The following DNAJA1 variants were observed in gnomAD, a reference collection of about 807,000 sequenced individuals.
The protein encoded by DNAJA1 is dnaJ homolog subfamily A member 1.
In DNAJA1, 26 loss-of-function variants were observed where a neutral mutation model predicts 47.6. That is an observed-to-expected ratio of 0.55 (90% CI 0.40 to 0.76). The LOEUF (loss-of-function observed/expected upper bound fraction) is 0.76. Ranked by LOEUF, DNAJA1 falls within the 30% of genes least tolerant of loss-of-function variation. The pLI is 0.00. For missense variants in DNAJA1, 315 were observed against 485.0 expected (o/e 0.65, Z 3.29); for synonymous variants, 165 against 158.4 (o/e 1.04, Z -0.31).
At chr9:33,031,081 T>C (rs1838953818) in intron 5 of DNAJA1, among the ~76,000 whole-genome samples, 1 of 152,190 alleles carries the variant, frequency 6.6e-6, no homozygotes, top group South Asian at 2.1e-4. Flanking sequence ...AGGTGAAGAA[T>C]TGGGTCTCAT....
In DNAJA1 at chr9:33,034,135, C is replaced by T. The variant is rs979797104; in HGVS notation, c.644-81C>T. 2.0e-5 allele frequency: 19 copies of T among 967,498 alleles called. No homozygotes were observed. In the Admixed American group the frequency reaches 5.4e-4, roughly 27 times the overall value. 59.9% of individuals were successfully genotyped at this position (967,498 alleles called of 1,614,324 possible). ...CATTTCTGTGATTTTTATGCATAAA[C>T]AAACATCTATGTATAGATTTTATGA... On this transcript the variant is annotated intron_variant, in intron 5 of 8. Coordinates refer to ENST00000330899, the MANE Select transcript of DNAJA1 (RefSeq NM_001539.4).
intron 5 of DNAJA1, among the ~76,000 whole-genome samples, chr9:33,030,991 C>T (rs112532435): frequency 7.2e-5 from 11 of 152,214 alleles, no homozygotes; most frequent in Admixed American, 6.5e-4. Flanking sequence ...TCTTTTAAAA[C>T]ATTAGAATTG....
rs559164455 is a variant in DNAJA1, at chr9:33,036,668, A to G, written c.853A>G (p.Ile285Val). The part of the protein sequence containing the change: ...KPISTLDNRT[I>V]VITSHPGQIV... ...AATATCTACTCTTGACAACCGAACC[A>G]TCGTCATCACCTCTCATCCAGGTAT... Residue 285 changes from isoleucine to valine, a missense_variant, in exon 7 of 9, where the codon ATC becomes GTC. Transcript: ENST00000330899. 5.6e-6 allele frequency: 9 copies of G among 1,613,646 alleles called. No individual in the cohort carries two copies. The highest frequency in any genetic ancestry group is 6.8e-6 in the Non-Finnish European group (8 of 1,179,732).
intron 5 of DNAJA1, among the ~76,000 whole-genome samples, chr9:33,031,450 G>C (rs989809292): frequency 1.3e-5 from 2 of 151,722 alleles, no homozygotes; most frequent in African/African-American, 4.8e-5. Context: ...GTTTTTTTCT[G>C]AGGTAGAGTC....
intron 6 of DNAJA1, among the ~76,000 whole-genome samples, chr9:33,034,991 A>G (rs574091665): frequency 2.1e-5 from 3 of 140,098 alleles, no homozygotes; most frequent in Non-Finnish European, 4.7e-5. Flanking sequence ...GTTCAAGGTT[A>G]TGATCATGCC....
intron 5 of DNAJA1, among the ~76,000 whole-genome samples, chr9:33,031,349 G>A (rs961631778): frequency 4.6e-5 from 7 of 152,016 alleles, no homozygotes; most frequent in African/African-American, 1.2e-4. Context: ...GACCTGCCTC[G>A]GCCTCCCAAA....
rs1022472750 is a variant in DNAJA1, at chr9:33,037,043, G to T, written c.903G>T (p.Lys301Asn). The change falls in exon 8 of 9, where the codon AAG becomes AAT. Residue 301 changes from lysine (K) to asparagine (N), a missense_variant. By Grantham distance (94) the Lys-to-Asn change is moderately conservative (BLOSUM62 0). Transcript: ENST00000330899. The stretch of plus-strand genomic sequence containing the variant: ...AGATTGTCAAGCATGGAGATATCAA[G>T]TGTGTACTAAATGAAGGCATGCCAA... ...PGQIVKHGDI[K>N]CVLNEGMPIY... 6.2e-7 allele frequency: 1 copy of T among 1,613,484 alleles called. No individual in the cohort carries two copies. Among genetic ancestry groups the T allele is most frequent in the Admixed American group, 1.7e-5 (1 of 59,836 alleles).
At chr9:33,037,765 T>C (rs927074825) in intron 8 of DNAJA1, among the ~76,000 whole-genome samples, 2 of 152,148 alleles carry the variant, frequency 1.3e-5, no homozygotes, top group African/African-American at 4.8e-5. Context: ...ATGGGGTTTT[T>C]TGCATCATTA....
intron 5 of DNAJA1, among the ~76,000 whole-genome samples, chr9:33,033,299 G>A (rs1237451013): frequency 6.6e-6 from 1 of 152,048 alleles, no homozygotes; most frequent in Non-Finnish European, 1.5e-5. Flanking sequence ...AATGAGACAA[G>A]GTCTGGAACT....
chr9:33,036,732 G>C lies in DNAJA1; in HGVS notation c.874+43G>C, dbSNP rs546684538. 2.4e-5 allele frequency: 34 copies of C among 1,434,338 alleles called. No individual in the cohort carries two copies. The East Asian group carries it at 2.5e-4, about 11-fold the overall frequency. 88.9% of individuals were successfully genotyped at this position (1,434,338 alleles called of 1,614,324 possible). ...GCTTAAACTTCTCTTTTCTATTCTA[G>C]TATTTTCCTTGTCTCCTGTTAACAA... On this transcript the variant is annotated intron_variant, in intron 7 of 8. Coordinates refer to ENST00000330899, the MANE Select transcript of DNAJA1 (RefSeq NM_001539.4).
At chr9:33,037,211 C>A in intron 8 of DNAJA1, 96 bp downstream of exon 8, 2 of 955,732 alleles carry the variant, frequency 2.1e-6, no homozygotes, top group Non-Finnish European at 3.1e-6. Flanking sequence ...GTAGCTCATG[C>A]CTGTAATCCC....
intron 5 of DNAJA1, among the ~76,000 whole-genome samples, chr9:33,031,534 C>A (rs376816055): frequency 6.6e-6 from 1 of 152,072 alleles, no homozygotes; most frequent in Admixed American, 6.6e-5. Context: ...TGGGTTCAAG[C>A]GATTCTCCTG....
At chr9:33,027,305 G>A (rs562170043) in intron 3 of DNAJA1, among the ~76,000 whole-genome samples, 1 of 152,014 alleles carries the variant, frequency 6.6e-6, no homozygotes, top group Admixed American at 6.5e-5. Context: ...ACAGGCATGT[G>A]CCACCAAACC....
chr9:33,025,602 C>T (rs1838800059), intron 1 of DNAJA1, among the ~76,000 whole-genome samples: 1 of 152,106 alleles, frequency 6.6e-6, no homozygotes, highest in Non-Finnish European at 1.5e-5. Context: ...AGACCTCCCT[C>T]CTTCCCCAGC....
rs769206805 is a variant in DNAJA1 at position 33,026,474 on chromosome 9, G to C, written c.-10-1G>C. ...GTTAAAGTTGCATTTTCTTATTTCA[G>C]GCAGTAGAAGATGGTGAAAGAAACA... On this transcript the variant is annotated splice_acceptor_variant, in intron 1 of 8. Transcript: ENST00000330899. LOFTEE classifies it low-confidence loss of function (5UTR_SPLICE). 11 of 1,598,442 alleles carry C rather than the reference G, an allele frequency of 6.9e-6. No homozygotes were observed. Among genetic ancestry groups the C allele is most frequent in the Non-Finnish European group, 9.4e-6 (11 of 1,176,146 alleles).
chr9:33,034,411 A>T (rs1564014059), intron 6 of DNAJA1, 81 bp downstream of exon 6: 18 of 1,055,006 alleles, frequency 1.7e-5, no homozygotes, highest in East Asian at 5.1e-5. Flanking sequence ...TGTTTTTTTT[A>T]AAGTGTTTTC....
chr9:33,029,149 C>T (rs571690560), intron 3 of DNAJA1, among the ~76,000 whole-genome samples: 138 of 152,286 alleles, frequency 9.1e-4, no homozygotes, highest in Non-Finnish European at 1.4e-3. Flanking sequence ...TAATTTAAGA[C>T]AAAAACAAAA....
At chr9:33,034,394 GTTT>G (rs1283492780) in intron 6 of DNAJA1, 64 bp downstream of exon 6, 1 of 1,241,938 alleles carries the variant, frequency 8.1e-7, no homozygotes, top group African/African-American at 1.5e-5. Context: ...TTTGTTTTTT[GTTT>G]TTTTGTTTTT....
chr9:33,034,099 G>C, intron 5 of DNAJA1, 117 bp from the exon 6 acceptor site: 1 of 667,846 alleles, frequency 1.5e-6, no homozygotes, highest in Non-Finnish European at 2.4e-6. Flanking sequence ...ACTTAAGTGG[G>C]CTTTCTTAGT....
Sources: allele counts gnomAD v4.1 joint callset (sites outside exome capture counted in the v4.1 genomes callset), GRCh38; gene constraint gnomAD v4.1.1; transcripts MANE v1.5; gene names NCBI Gene and HGNC (gene_info 2026-07-23, HGNC 2026-07-21).